The following DOCK10 variants were observed in gnomAD, a reference collection of about 807,000 sequenced individuals.
DOCK10 encodes dedicator of cytokinesis protein 10.
DOCK10 carries 145 observed loss-of-function variants against 280.1 expected under a neutral mutation model. The observed-to-expected ratio is 0.52, with a 90% CI of 0.45 to 0.59. The LOEUF (loss-of-function observed/expected upper bound fraction) is 0.59. DOCK10 is among the 20% of genes least tolerant of loss of function. The probability of loss-of-function intolerance (pLI) is 0.00; values close to 1 mark genes in which losing one functional copy is unlikely to be tolerated. For synonymous variants in DOCK10, 915 were observed against 942.2 expected, an observed-to-expected ratio of 0.97 and a Z score of 0.53; for missense variants, 2,368 against 2,651.7, an observed-to-expected ratio of 0.89 and a Z score of 2.35.
intron 4 of DOCK10, among the ~76,000 whole-genome samples, chr2:224,887,442 G>T (rs1402771580): frequency 2.0e-5 from 3 of 151,770 alleles, no homozygotes; most frequent in Admixed American, 1.3e-4. Context: ...CAACATCTCC[G>T]ACCAGCTCAG....
chr2:224,897,821 T>C lies in DOCK10; in HGVS notation c.334-1444A>G, dbSNP rs1575018054. On this transcript the variant is annotated intron_variant, in intron 3 of 55. Coordinates refer to ENST00000258390, the MANE Select transcript of DOCK10 (RefSeq NM_014689.3). ...TGACGGATTATATAATATTTATGGA[T>C]GGAAATATTTTCCAAACACCTACCA... Among the ~76,000 whole-genome samples, 3 of 152,332 alleles carry C rather than the reference T, an allele frequency of 2.0e-5. No homozygotes were observed. In the East Asian group the frequency reaches 5.8e-4, roughly 29 times the overall value.
At chr2:224,878,609 C>T (rs935634264) in intron 7 of DOCK10, among the ~76,000 whole-genome samples, 20 of 152,268 alleles carry the variant, frequency 1.3e-4, no homozygotes, top group African/African-American at 4.6e-4. Flanking sequence ...CATAGTGGGG[C>T]AACACATAGT....
In DOCK10 at chr2:224,787,279, A is replaced by G; in HGVS notation, c.5537T>C (p.Phe1846Ser). The change falls in exon 49 of 56, where the codon TTC becomes TCC. Residue 1846 changes from phenylalanine (F) to serine (S), a missense_variant. Transcript: ENST00000258390. Reference sequence around the variant, plus strand: ...CTAGGGGGTTGGAATACATACTTTGAAGTCTCGTTGTTTCTCAAAGACAGC... The same window carrying G: ...CTAGGGGGTTGGAATACATACTTTGGAGTCTCGTTGTTTCTCAAAGACAGC... ...IIAVFEKQRD[F>S]KKLSDLYYDI... is the part of the protein sequence containing the mutation. The G allele has an allele frequency of 6.2e-7, 1 of 1,614,034 alleles. No homozygotes were observed. The highest frequency in any genetic ancestry group is 8.5e-7 in the Non-Finnish European group (1 of 1,179,884).
At chr2:224,937,529 C>G (rs1212172731) in intron 1 of DOCK10, among the ~76,000 whole-genome samples, 1 of 152,064 alleles carries the variant, frequency 6.6e-6, no homozygotes, top group Non-Finnish European at 1.5e-5. Flanking sequence ...TAAAATAACA[C>G]TCTGAAAATT....
intron 7 of DOCK10, among the ~76,000 whole-genome samples, chr2:224,878,924 C>G (rs1698806786): frequency 6.6e-6 from 1 of 152,216 alleles, no homozygotes; most frequent in Non-Finnish European, 1.5e-5. Context: ...TGTGTTCATA[C>G]TTTGTGTTGG....
chr2:224,947,942 A>G (rs1333696954), intron 1 of DOCK10, among the ~76,000 whole-genome samples: 1 of 152,170 alleles, frequency 6.6e-6, no homozygotes, highest in Non-Finnish European at 1.5e-5. Flanking sequence ...TAAATTAGGG[A>G]TTTACATTTA....
At chr2:224,949,597 C>T (rs1703616492) in intron 1 of DOCK10, among the ~76,000 whole-genome samples, 1 of 152,126 alleles carries the variant, frequency 6.6e-6, no homozygotes, top group Non-Finnish European at 1.5e-5. Context: ...GAGATGAATG[C>T]AGAGGAAAGC....
chr2:224,854,997 A>G lies in DOCK10; in HGVS notation c.1854T>C (p.Asp618=). ...CCAAGGGAACGTTGTCAACAGCAAT[A>G]TCCAGGCTTCCAGGAATGGTCTGCA... is the stretch of plus-strand genomic sequence containing the variant. The part of the protein sequence containing the change: ...SKMQTIPGSL[D]IAVDNVPLEH... The change falls in exon 16 of 56, where the codon GAT becomes GAC. Residue 618 remains aspartate (D), a synonymous_variant. Coordinates refer to ENST00000258390, the MANE Select transcript of DOCK10 (RefSeq NM_014689.3). 4 of 1,611,106 alleles carry G rather than the reference A, an allele frequency of 2.5e-6. No individual in the cohort carries two copies. The highest frequency in any genetic ancestry group is 3.4e-6 in the Non-Finnish European group (4 of 1,178,612).
chr2:225,002,626 G>A (rs940770706), intron 1 of DOCK10, among the ~76,000 whole-genome samples: 3 of 152,174 alleles, frequency 2.0e-5, no homozygotes, highest in African/African-American at 7.2e-5. Flanking sequence ...TGAGACAATG[G>A]CCACGCCATG....
chr2:224,865,039 T>A lies in DOCK10; in HGVS notation c.1306A>T (p.Arg436Trp). 2 of 1,614,016 alleles carry A rather than the reference T, an allele frequency of 1.2e-6. No homozygotes were observed. The highest frequency in any genetic ancestry group is 1.7e-6 in the Non-Finnish European group (2 of 1,179,898). Residue 436 changes from arginine (R) to tryptophan (W), a missense_variant, in exon 12 of 56, where the codon AGG (arginine) becomes TGG (tryptophan). By Grantham distance (101) the Arg-to-Trp change is moderately radical (BLOSUM62 -3). Coordinates refer to ENST00000258390, the MANE Select transcript of DOCK10 (RefSeq NM_014689.3). The stretch of plus-strand genomic sequence containing the variant: ...ACATGAAAATCAGCAGAAATCTTCC[T>A]GCTGTCTCTGAGGTCATAAAGTGCC... ...SVALYDLRDS[R>W]KISADFHVDL...
At chr2:224,774,797 T>A (rs1157680831) in intron 52 of DOCK10, 108 bp downstream of exon 52, 2 of 974,072 alleles carry the variant, frequency 2.1e-6, no homozygotes, top group African/African-American at 3.3e-5. Context: ...ACATGTTGGG[T>A]ACTTCTCTGC....
chr2:224,892,154 T>C (rs1172273839), intron 4 of DOCK10, among the ~76,000 whole-genome samples: 2 of 151,854 alleles, frequency 1.3e-5, no homozygotes, highest in African/African-American at 2.4e-5. Flanking sequence ...CCCAGCACTT[T>C]GGGAGGCCGA....
In DOCK10 at chr2:225,011,264, G is replaced by C. The variant is rs568350502; in HGVS notation, c.123+30988C>G. Among the ~76,000 whole-genome samples, 2 of 152,278 alleles carry C rather than the reference G, an allele frequency of 1.3e-5. 1 individual carries two copies. Among genetic ancestry groups the C allele is most frequent in the South Asian group, 4.1e-4 (2 of 4,826 alleles). ...GGACTTACGGCTTTTCAGGTAGGTA[G>C]ATAAGTCACAGGTACAAAGAAAAAA... On this transcript the variant is annotated intron_variant, in intron 1 of 55. Coordinates refer to ENST00000258390, the MANE Select transcript of DOCK10 (RefSeq NM_014689.3).
intron 2 of DOCK10, among the ~76,000 whole-genome samples, chr2:224,922,223 G>A (rs1478529928): frequency 6.6e-6 from 1 of 151,242 alleles, no homozygotes; most frequent in African/African-American, 2.4e-5. Context: ...TGTCTCCACT[G>A]AAGCAAAAAT....
intron 1 of DOCK10, among the ~76,000 whole-genome samples, chr2:224,977,771 T>C (rs10207840): frequency 0.028 from 4,288 of 152,286 alleles, 189 homozygotes; most frequent in African/African-American, 0.097. Context: ...TTAGTTAATT[T>C]TGATATTTAG....
chr2:224,934,390 A>G (rs13033698), intron 1 of DOCK10, among the ~76,000 whole-genome samples: 50,214 of 152,104 alleles, frequency 0.33, 8,393 homozygotes, highest in Middle Eastern at 0.36. Flanking sequence ...CAATCTTTCC[A>G]GTGAATTTGT....
chr2:224,965,496 A>T (rs377129353), intron 1 of DOCK10, among the ~76,000 whole-genome samples: 2 of 152,294 alleles, frequency 1.3e-5, no homozygotes, highest in East Asian at 1.9e-4. Context: ...TGTCTTCTTT[A>T]TCCCTCTATT....
At position 224,890,560 on chromosome 2, in the gene DOCK10, A is replaced by T. The variant is rs556189103; in HGVS notation, c.417-4029T>A. Among the ~76,000 whole-genome samples the T allele has an allele frequency of 2.6e-5, 4 of 152,102 alleles. No homozygotes were observed. The South Asian group carries it at 8.3e-4, about 32-fold the overall frequency. On this transcript the variant is annotated intron_variant, in intron 4 of 55. Coordinates refer to ENST00000258390, the MANE Select transcript of DOCK10 (RefSeq NM_014689.3). ...CCGCAGAAGTGTCTGTCACTGGAGG[A>T]TGTCTAAACAAACTACAGTAGATCC...
At chr2:225,015,220 A>C (rs1015241789) in intron 1 of DOCK10, among the ~76,000 whole-genome samples, 1 of 152,186 alleles carries the variant, frequency 6.6e-6, no homozygotes, top group Non-Finnish European at 1.5e-5. Flanking sequence ...AAACATAAAA[A>C]ACACTTTTCC....
Sources: gnomAD v4.1 joint callset for allele counts (sites outside exome capture counted in the v4.1 genomes callset) on GRCh38, gnomAD v4.1.1 for gene constraint, MANE v1.5 for transcripts, NCBI Gene and HGNC (gene_info 2026-07-23, HGNC 2026-07-21) for gene names.